ISY1: variants seen among roughly 807,000 people sequenced by gnomAD.
ISY1 encodes the protein ISY1 spliceosome associated protein, also known as pre-mRNA-splicing factor ISY1 homolog.
Under a neutral mutation model 54.4 loss-of-function variants are expected in ISY1, and 12 were observed. That is an observed-to-expected ratio of 0.22 (90% CI 0.14 to 0.36). The LOEUF (loss-of-function observed/expected upper bound fraction) is 0.36. Among genes scored for constraint, ISY1 ranks in the 10% least tolerant of loss-of-function variants. The pLI, the probability that ISY1 is intolerant of heterozygous loss-of-function variation, is 1.00. For missense variants in ISY1, 282 were observed against 342.2 expected (o/e 0.82, Z 1.39); for synonymous variants, 96 against 117.9 (o/e 0.81, Z 1.20).
chr3:129,130,455 GGGTA>G lies in ISY1; in HGVS notation c.750+91_750+94del. On this transcript the variant is annotated intron_variant, in intron 10 of 10. Coordinates refer to ENST00000393295, the MANE Select transcript of ISY1 (RefSeq NM_020701.4). ...GGTCAGGACCCTGAGCTGCCCTGATGGGTAGGAAGGACAACGAAAACCCACTACA... is the reference window on the plus strand; with the variant it reads ...GGTCAGGACCCTGAGCTGCCCTGATGGGAAGGACAACGAAAACCCACTACA... The G allele has an allele frequency of 3.4e-6, 5 of 1,468,740 alleles. No individual in the cohort carries two copies. The South Asian group carries it at 5.2e-5, about 15-fold the overall frequency. The allele number at this position is 1,468,740 out of a possible 1,614,324, so 91.0% of individuals were successfully genotyped here.
intron 9 of ISY1, 122 bp from the exon 10 acceptor site, chr3:129,130,758 T>G: frequency 1.9e-6 from 2 of 1,046,698 alleles, no homozygotes; most frequent in Non-Finnish European, 2.7e-6. Context: ...AGTTCTATAC[T>G]TATAGAAAGA....
rs551259653 is a variant in ISY1, at chr3:129,135,032, T to C, written c.419-78A>G. 1.1e-4 allele frequency: 169 copies of C among 1,498,236 alleles called. No homozygotes were observed. The African/African-American group carries it at 1.9e-3, about 17-fold the overall frequency. The allele number at this position is 1,498,236 out of a possible 1,614,324, so 92.8% of individuals were successfully genotyped here. On this transcript the variant is annotated intron_variant, in intron 7 of 10. Transcript: ENST00000393295. ...GAAGCTGTCTCCTGATGCAACGCTA[T>C]ACACACACGTGGCACGTATGTTCAT...
At chr3:129,140,197 T>C (rs1160031718) in intron 7 of ISY1, among the ~76,000 whole-genome samples, 171 bp downstream of exon 7, 1 of 152,242 alleles carries the variant, frequency 6.6e-6, no homozygotes, top group African/African-American at 2.4e-5. Context: ...CATGGGCCTA[T>C]GATTCTATCC....
Position 129,130,625 on chromosome 3 carries a change from T to C in ISY1, c.675A>G (p.Glu225=). ...YAVTEEESDE[E]GSQEKGGDDS... is the part of the protein sequence containing the mutation. The stretch of plus-strand genomic sequence containing the variant: ...CGTCCCCTCCTTTCTCCTGGCTGCC[T>C]TCCTCGTCCGACTACAAACAGAACA... Residue 225 remains glutamate, a synonymous_variant, in exon 10 of 11, where the codon GAA becomes GAG. Transcript: ENST00000393295. The C allele has an allele frequency of 6.2e-7, 1 of 1,614,088 alleles. No homozygotes were observed.
At chr3:129,136,161 G>T (rs1167202102) in intron 7 of ISY1, among the ~76,000 whole-genome samples, 1 of 151,880 alleles carries the variant, frequency 6.6e-6, no homozygotes, top group African/African-American at 2.4e-5. Context: ...GAGTGCAATG[G>T]CATGATCTTG....
intron 6 of ISY1, among the ~76,000 whole-genome samples, chr3:129,145,222 T>G (rs891800755): frequency 2.9e-5 from 2 of 68,412 alleles, no homozygotes; most frequent in Non-Finnish European, 6.2e-5. Context: ...AGGACCATAG[T>G]CATTTTTTTT....
At chr3:129,144,554 G>A (rs1936717199) in intron 6 of ISY1, among the ~76,000 whole-genome samples, 1 of 152,112 alleles carries the variant, frequency 6.6e-6, no homozygotes. Flanking sequence ...GAACGAATTA[G>A]GCTCTGGGGC....
intron 9 of ISY1, among the ~76,000 whole-genome samples, chr3:129,131,946 C>T (rs1035834671): frequency 2.0e-5 from 3 of 152,188 alleles, no homozygotes; most frequent in African/African-American, 7.2e-5. Flanking sequence ...TCTCACACCT[C>T]AGCCTCCTGA....
intron 10 of ISY1, 117 bp from the exon 11 acceptor site, chr3:129,130,305 G>T: frequency 7.3e-7 from 1 of 1,374,922 alleles, no homozygotes; most frequent in Non-Finnish European, 9.7e-7. Context: ...ATTTAAATAC[G>T]CAGAATAGTC....
intron 5 of ISY1, among the ~76,000 whole-genome samples, chr3:129,150,415 T>A (rs1422692251): frequency 6.6e-6 from 1 of 152,184 alleles, no homozygotes; most frequent in Non-Finnish European, 1.5e-5. Context: ...TTTTGTTAGA[T>A]TTATACCTAA....
intron 5 of ISY1, among the ~76,000 whole-genome samples, chr3:129,153,569 G>A (rs1036102722): frequency 3.9e-5 from 6 of 151,916 alleles, no homozygotes; most frequent in African/African-American, 1.5e-4. Context: ...AGGTCATGAG[G>A]TCAGGAGATC....
chr3:129,153,009 CTTTTTT>C (rs61374406), intron 5 of ISY1, among the ~76,000 whole-genome samples: 1 of 111,744 alleles, frequency 8.9e-6, no homozygotes. Context: ...TTCTTTCCAT[CTTTTTT>C]TTTTTTTTTT....
At chr3:129,150,506 T>C (rs1056506351) in intron 5 of ISY1, among the ~76,000 whole-genome samples, 3 of 151,850 alleles carry the variant, frequency 2.0e-5, no homozygotes, top group African/African-American at 7.3e-5. Flanking sequence ...GGTCAGGAGA[T>C]CGAGACCATC....
chr3:129,140,526 A>G (rs1387406817), intron 6 of ISY1, 41 bp from the exon 7 acceptor site: 2 of 1,539,128 alleles, frequency 1.3e-6, no homozygotes, highest in South Asian at 1.2e-5. Context: ...TCTGTTAGTT[A>G]GTTAGTTAGT....
chr3:129,135,667 G>A (rs1383643230), intron 7 of ISY1, among the ~76,000 whole-genome samples: 1 of 151,790 alleles, frequency 6.6e-6, no homozygotes, highest in Non-Finnish European at 1.5e-5. Context: ...TCCTGAGGCT[G>A]AGGCAGGAGA....
rs1936267691 is a variant in ISY1 at position 129,132,624 on chromosome 3, GC to G, written c.663+1449del. ...TGTCTGCAGGCTGTCCCTGCACCAG[GC>G]TCTATTGAGGGACTGTTGCTCACTG... On this transcript the variant is annotated intron_variant, in intron 9 of 10. Coordinates refer to ENST00000393295, the MANE Select transcript of ISY1 (RefSeq NM_020701.4). Among the ~76,000 whole-genome samples the G allele has an allele frequency of 2.0e-5, 3 of 152,158 alleles. No homozygotes were observed. In the South Asian group the frequency reaches 6.2e-4, roughly 32 times the overall value.
rs58548903 is a variant in ISY1, at chr3:129,154,439, C to CAA, written c.187+2192_187+2193dup. Among the ~76,000 whole-genome samples the CAA allele has an allele frequency of 7.8e-3, 258 of 32,894 alleles. 3 individuals carry two copies. Among genetic ancestry groups the CAA allele is most frequent in the East Asian group, 0.04 (51 of 1,266 alleles). 21.6% of individuals were successfully genotyped at this position (32,894 alleles called of 152,430 possible). Reference sequence around the variant, plus strand: ...TGGGTGACAGAGCAAGACTCCATCTCAAAAAAAAAAAAAAAAAAAAAAAAG... The same window carrying CAA: ...TGGGTGACAGAGCAAGACTCCATCTCAAAAAAAAAAAAAAAAAAAAAAAAAAG... On this transcript the variant is annotated intron_variant, in intron 5 of 10. Transcript: ENST00000393295.
intron 5 of ISY1, among the ~76,000 whole-genome samples, chr3:129,155,970 C>T (rs1269525426): frequency 6.6e-6 from 1 of 152,146 alleles, no homozygotes; most frequent in Admixed American, 6.6e-5. Context: ...ATCCTCCCTC[C>T]TCGGCCTCCC....
intron 7 of ISY1, among the ~76,000 whole-genome samples, chr3:129,135,508 G>A (rs1936366016): frequency 6.6e-6 from 1 of 152,140 alleles, no homozygotes; most frequent in African/African-American, 2.4e-5. Flanking sequence ...ACTCATGCCT[G>A]TAATCCCAGC....
Sources: allele counts gnomAD v4.1 joint callset (sites outside exome capture counted in the v4.1 genomes callset), GRCh38; gene constraint gnomAD v4.1.1; transcripts MANE v1.5; gene names NCBI Gene and HGNC (gene_info 2026-07-23, HGNC 2026-07-21).